The following CTNNBIP1 variants were observed in gnomAD, a reference collection of about 807,000 sequenced individuals.
The protein encoded by CTNNBIP1 is beta-catenin-interacting protein 1.
In CTNNBIP1, 7 loss-of-function variants were observed where a neutral mutation model predicts 11.8. The observed-to-expected ratio is 0.60, with a 90% CI of 0.34 to 1.12. The LOEUF (loss-of-function observed/expected upper bound fraction) is 1.12, where lower values mean the gene tolerates loss of function less well. Among genes scored for constraint, CTNNBIP1 ranks in the 50% most tolerant of loss-of-function variants. CTNNBIP1 has a pLI of 0.03. For missense variants in CTNNBIP1, 101 were observed against 113.4 expected, an observed-to-expected ratio of 0.89 and a Z score of 0.50; for synonymous variants, 58 against 43.9, an observed-to-expected ratio of 1.32 and a Z score of -1.26.
intron 1 of CTNNBIP1, among the ~76,000 whole-genome samples, chr1:9,888,090 C>G (rs1639221815): frequency 6.6e-6 from 1 of 151,704 alleles, no homozygotes; most frequent in South Asian, 2.1e-4. Context: ...TCCCAAAGTG[C>G]TGGAATTACA....
chr1:9,900,731 G>A (rs532495525), intron 1 of CTNNBIP1, among the ~76,000 whole-genome samples: 1 of 152,308 alleles, frequency 6.6e-6, no homozygotes, highest in African/African-American at 2.4e-5. Context: ...AAGCAGAACT[G>A]GGGGCCAGCT....
chr1:9,885,744 G>C (rs1312391208), intron 1 of CTNNBIP1, among the ~76,000 whole-genome samples: 1 of 151,992 alleles, frequency 6.6e-6, no homozygotes, highest in Non-Finnish European at 1.5e-5. Context: ...GGGAGTTCAA[G>C]ACCAGCCTGA....
intron 1 of CTNNBIP1, among the ~76,000 whole-genome samples, chr1:9,885,770 C>T (rs1215644499): frequency 6.6e-6 from 1 of 151,924 alleles, no homozygotes; most frequent in African/African-American, 2.4e-5. Context: ...ATGGAGAAAC[C>T]CTGTCTCTAC....
intron 5 of CTNNBIP1, among the ~76,000 whole-genome samples, chr1:9,860,428 TAAAAAAAAAAAAAAA>T (rs58165059): frequency 1.5e-3 from 67 of 45,554 alleles, no homozygotes; most frequent in African/African-American, 4.9e-3. Context: ...CCGTCTCTAC[TAAAAAAAAAAAAAAA>T]AAAAAAAAAA....
At chr1:9,905,031 G>A (rs1195167941) in intron 1 of CTNNBIP1, among the ~76,000 whole-genome samples, 1 of 152,114 alleles carries the variant, frequency 6.6e-6, no homozygotes, top group Non-Finnish European at 1.5e-5. Context: ...CAATACTCTG[G>A]CTGGCCTCAA....
chr1:9,870,095 C>T (rs1638830045), intron 5 of CTNNBIP1, among the ~76,000 whole-genome samples: 1 of 152,230 alleles, frequency 6.6e-6, no homozygotes, highest in Admixed American at 6.5e-5. Context: ...TGGGAACAGG[C>T]CCCTGTGCCA....
chr1:9,898,354 T>C (rs889348874), intron 1 of CTNNBIP1, among the ~76,000 whole-genome samples: 5 of 151,830 alleles, frequency 3.3e-5, no homozygotes, highest in Admixed American at 1.3e-4. Flanking sequence ...TGAAACCCCG[T>C]CTCTGCTAAA....
At chr1:9,908,193 G>A (rs1021275226) in intron 1 of CTNNBIP1, among the ~76,000 whole-genome samples, 1 of 151,840 alleles carries the variant, frequency 6.6e-6, no homozygotes, top group African/African-American at 2.4e-5. Flanking sequence ...CAAGTAGCTG[G>A]GACTACAGGC....
intron 1 of CTNNBIP1, among the ~76,000 whole-genome samples, chr1:9,888,603 C>G (rs1345497632): frequency 6.6e-6 from 1 of 152,100 alleles, no homozygotes; most frequent in Admixed American, 6.5e-5. Context: ...AGAGGCCCTG[C>G]ATCTGTCTAC....
chr1:9,887,439 G>A (rs979666799), intron 1 of CTNNBIP1, among the ~76,000 whole-genome samples: 8 of 152,182 alleles, frequency 5.3e-5, no homozygotes, highest in South Asian at 4.1e-4. Flanking sequence ...AATGTGGGCC[G>A]GGCACAGTGG....
intron 3 of CTNNBIP1, among the ~76,000 whole-genome samples, chr1:9,873,574 C>A (rs1488268974): frequency 6.6e-6 from 1 of 152,170 alleles, no homozygotes; most frequent in East Asian, 1.9e-4. Flanking sequence ...CTCCACACAG[C>A]CTTGTGGGGT....
intron 1 of CTNNBIP1, among the ~76,000 whole-genome samples, chr1:9,904,886 A>T (rs1479445851): frequency 1.3e-5 from 2 of 152,108 alleles, no homozygotes; most frequent in African/African-American, 2.4e-5. Context: ...TGACTTAGGG[A>T]CTCGGAAAAA....
intron 5 of CTNNBIP1, among the ~76,000 whole-genome samples, chr1:9,852,835 GCA>G (rs1295454924): frequency 6.6e-6 from 1 of 152,184 alleles, no homozygotes; most frequent in Non-Finnish European, 1.5e-5. Flanking sequence ...TGAGCTGCAG[GCA>G]CAAAAATAGC....
At chr1:9,908,423 G>C (rs1051097561) in intron 1 of CTNNBIP1, among the ~76,000 whole-genome samples, 1 of 142,820 alleles carries the variant, frequency 7.0e-6, no homozygotes, top group Non-Finnish European at 1.5e-5. Flanking sequence ...GCCCAGACTG[G>C]AGTGCAGTGG....
chr1:9,898,967 T>C (rs567763977), intron 1 of CTNNBIP1, among the ~76,000 whole-genome samples: 5 of 152,336 alleles, frequency 3.3e-5, no homozygotes, highest in African/African-American at 1.2e-4. Context: ...TTCATTTTAT[T>C]TTTTGGTATT....
At position 9,865,992 on chromosome 1, in the gene CTNNBIP1, G is replaced by C. The variant is rs578113310; in HGVS notation, c.187+5195C>G. Reference sequence around the variant, plus strand: ...TTCCTGAGAAGTACTGACTTCCTCTGGTTCAAAGCCAAGTCTCTCTGGTTT... The same window carrying C: ...TTCCTGAGAAGTACTGACTTCCTCTCGTTCAAAGCCAAGTCTCTCTGGTTT... On this transcript the variant is annotated intron_variant, in intron 5 of 5. Transcript: ENST00000377263. Among the ~76,000 whole-genome samples, 5 of 152,322 alleles carry C rather than the reference G, an allele frequency of 3.3e-5. No homozygotes were observed. The East Asian group carries it at 9.6e-4, about 29-fold the overall frequency.
intron 1 of CTNNBIP1, among the ~76,000 whole-genome samples, chr1:9,898,970 T>A (rs1639465760): frequency 6.6e-6 from 1 of 152,234 alleles, no homozygotes; most frequent in Admixed American, 6.5e-5. Context: ...ATTTTATTTT[T>A]TGGTATTTAA....
At chr1:9,888,275 A>T (rs1256446792) in intron 1 of CTNNBIP1, among the ~76,000 whole-genome samples, 1 of 151,922 alleles carries the variant, frequency 6.6e-6, no homozygotes. Flanking sequence ...AAAATAAAAA[A>T]AAAAATTTAA....
chr1:9,854,283 G>A (rs1638454822), intron 5 of CTNNBIP1, among the ~76,000 whole-genome samples: 2 of 150,616 alleles, frequency 1.3e-5, no homozygotes, highest in South Asian at 2.1e-4. Context: ...CAGGAGAATC[G>A]CTTGAACCTG....
Sources: gnomAD v4.1 joint callset for allele counts (sites outside exome capture counted in the v4.1 genomes callset) on GRCh38, gnomAD v4.1.1 for gene constraint, MANE v1.5 for transcripts, NCBI Gene and HGNC (gene_info 2026-07-23, HGNC 2026-07-21) for gene names.